Variants in FBXO31 observed in about 807,000 individuals in gnomAD.
FBXO31 encodes the protein F-box only protein 31.
In FBXO31, 24 loss-of-function variants were observed where a neutral mutation model predicts 54.4. That is an observed-to-expected ratio of 0.44 (90% CI 0.32 to 0.62). The LOEUF (loss-of-function observed/expected upper bound fraction) is 0.62, where lower values mean the gene tolerates loss of function less well. Ranked by LOEUF, FBXO31 falls within the 20% of genes least tolerant of loss-of-function variation. The pLI is 0.05. For synonymous variants in FBXO31, 388 were observed against 335.6 expected (o/e 1.16, Z -1.71); for missense variants, 665 against 787.1 (o/e 0.84, Z 1.86).
Position 87,328,236 on chromosome 16 carries a change from C to G in FBXO31, c.*3052G>C, listed in dbSNP as rs1371896199. ...CAACTGCAGGTTCTCAGAGAAAAAT[C>G]TCCAGCTCAGACCCGGTTCTGCACA... On this transcript the variant is annotated 3_prime_UTR_variant, in exon 9 of 9. Coordinates refer to ENST00000311635, the MANE Select transcript of FBXO31 (RefSeq NM_024735.5). The G allele has an allele frequency of 2.0e-5, 3 of 152,332 alleles. No individual in the cohort carries two copies. Among genetic ancestry groups the G allele is most frequent in the African/African-American group, 7.2e-5 (3 of 41,458 alleles). The allele number at this position is 152,332 out of a possible 1,614,324, so 9.4% of individuals were successfully genotyped here. A position where few individuals can be genotyped will look rare whatever the true frequency, so the allele number is the denominator to read the frequency against.
Position 87,331,396 on chromosome 16 carries a change from T to C in FBXO31, c.1512A>G (p.Lys504=). The C allele has an allele frequency of 6.2e-7, 1 of 1,613,864 alleles. No homozygotes were observed. Among genetic ancestry groups the C allele is most frequent in the Non-Finnish European group, 8.5e-7 (1 of 1,180,016 alleles). The change falls in exon 9 of 9, where the codon AAA becomes AAG. Residue 504 remains lysine, a synonymous_variant. Coordinates refer to ENST00000311635, the MANE Select transcript of FBXO31 (RefSeq NM_024735.5). ...GGACCCGGCTGTACAGGCTGAAGGA[T>C]TTCAGCTCCAGCCAGACGAACCCGA... ...DRFGFVWLEL[K]SFSLYSRVQA... is the part of the protein sequence containing the mutation.
Position 87,383,270 on chromosome 16 carries a change from ACAC to A in FBXO31, c.340+132_340+134del, listed in dbSNP as rs1392065222. On this transcript the variant is annotated intron_variant, in intron 1 of 8. Transcript: ENST00000311635. This position sits in a 1 kb window ranked among gnomAD's most constrained non-coding sequence, Gnocchi z 4.9. ...CGGCCGCTCCCCACCCACACCCAAA[ACAC>A]CACATCGCCGGGCCCCGCGCCCAAC... The A allele has an allele frequency of 9.5e-6, 8 of 844,168 alleles. No individual in the cohort carries two copies. Among genetic ancestry groups the A allele is most frequent in the African/African-American group, 2.0e-5 (1 of 51,080 alleles). The allele number at this position is 844,168 out of a possible 1,614,324, so 52.3% of individuals were successfully genotyped here. A position where few individuals can be genotyped will look rare whatever the true frequency, so the allele number is the denominator to read the frequency against.
chr16:87,371,817 G>A (rs558752111), intron 1 of FBXO31, among the ~76,000 whole-genome samples: 2 of 152,340 alleles, frequency 1.3e-5, no homozygotes, highest in African/African-American at 4.8e-5. Flanking sequence ...GCAAGTCTCA[G>A]GGAGTGTCCC....
At chr16:87,384,261 G>A (rs894765223), upstream of FBXO31, 1 of 152,286 alleles carries the variant, frequency 6.6e-6, no homozygotes, top group Non-Finnish European at 1.5e-5. Flanking sequence ...CCCAAAGGGC[G>A]CCTAGAAGCC....
chr16:87,339,085 T>C (rs1200049920), intron 5 of FBXO31, among the ~76,000 whole-genome samples: 1 of 152,192 alleles, frequency 6.6e-6, no homozygotes, highest in East Asian at 1.9e-4. Flanking sequence ...TGTGAGTCCA[T>C]GCAACCTCTT....
intron 2 of FBXO31, among the ~76,000 whole-genome samples, chr16:87,352,663 C>A (rs1269255095): frequency 6.6e-6 from 1 of 152,214 alleles, no homozygotes; most frequent in Non-Finnish European, 1.5e-5. Flanking sequence ...GGACCCCACT[C>A]TGGGAGCACA....
At chr16:87,332,155 G>A (rs190661901) in intron 8 of FBXO31, among the ~76,000 whole-genome samples, 68 of 152,350 alleles carry the variant, frequency 4.5e-4, no homozygotes, top group Admixed American at 4.2e-3. Context: ...GAACAGCCCC[G>A]TGGACCAGGG....
upstream of FBXO31, among the ~76,000 whole-genome samples, chr16:87,391,338 TAC>T (rs1907538889): frequency 1.3e-5 from 2 of 152,186 alleles, no homozygotes; most frequent in South Asian, 4.1e-4. Flanking sequence ...GTGCTGTTCC[TAC>T]AGAGACACAT....
intron 1 of FBXO31, among the ~76,000 whole-genome samples, chr16:87,361,615 C>T (rs1405340126): frequency 2.0e-5 from 3 of 152,236 alleles, no homozygotes; most frequent in Non-Finnish European, 4.4e-5. Context: ...TCAGGCTAGC[C>T]AGGTAGCTCC....
intron 2 of FBXO31, among the ~76,000 whole-genome samples, chr16:87,356,454 C>T (rs1024984542): frequency 2.0e-5 from 3 of 152,068 alleles, no homozygotes; most frequent in Non-Finnish European, 4.4e-5. Context: ...CCGTGTTCCC[C>T]GTCCACAGAC....
chr16:87,335,056 G>A lies in FBXO31; in HGVS notation c.996+248C>T, dbSNP rs920560479. On this transcript the variant is annotated intron_variant, in intron 7 of 8. Transcript: ENST00000311635. The surrounding 1 kb of genome is among the most constrained non-coding windows in gnomAD (Gnocchi z 5.7). Reference sequence around the variant, plus strand: ...GCTGCCAGGGTGGCCGGGGCTGAGCGGTGCTGTGGGAAGGCCACCTTGGAA... The same window carrying A: ...GCTGCCAGGGTGGCCGGGGCTGAGCAGTGCTGTGGGAAGGCCACCTTGGAA... Among the ~76,000 whole-genome samples the A allele has an allele frequency of 2.0e-5, 3 of 152,208 alleles. No individual in the cohort carries two copies. Among genetic ancestry groups the A allele is most frequent in the Admixed American group, 1.3e-4 (2 of 15,288 alleles).
intron 1 of FBXO31, among the ~76,000 whole-genome samples, chr16:87,364,594 C>T (rs1014521537): frequency 3.3e-5 from 5 of 152,000 alleles, no homozygotes; most frequent in African/African-American, 7.3e-5. Flanking sequence ...ACTGCCCACC[C>T]GTCAGACTGA....
chr16:87,384,752 A>G (rs76109242), upstream of FBXO31, among the ~76,000 whole-genome samples: 62 of 152,368 alleles, frequency 4.1e-4, no homozygotes, highest in African/African-American at 1.3e-3. Context: ...AATTTTAGAA[A>G]GAGAAGCTGA....
upstream of FBXO31, among the ~76,000 whole-genome samples, chr16:87,391,218 G>A (rs1378604529): frequency 6.6e-6 from 1 of 152,092 alleles, no homozygotes; most frequent in Non-Finnish European, 1.5e-5. Flanking sequence ...GAGGCAGGAG[G>A]ATCCCTTGAG....
chr16:87,335,533 T>C lies in FBXO31; in HGVS notation c.843-76A>G. On this transcript the variant is annotated intron_variant, in intron 6 of 8. Transcript: ENST00000311635. This position sits in a 1 kb window ranked among gnomAD's most constrained non-coding sequence, Gnocchi z 5.7. ...CTGAGAACGCCCAAGGTGCCAGGGA[T>C]GAGCTTTGCAGGGCGGGGTAGGGCG... 1.6e-6 allele frequency: 2 copies of C among 1,244,212 alleles called. No homozygotes were observed. Among genetic ancestry groups the C allele is most frequent in the Non-Finnish European group, 2.2e-6 (2 of 907,804 alleles). 77.1% of individuals were successfully genotyped at this position (1,244,212 alleles called of 1,614,324 possible). A position where few individuals can be genotyped will look rare whatever the true frequency, so the allele number is the denominator to read the frequency against.
At chr16:87,378,393 C>A (rs568735171) in intron 1 of FBXO31, among the ~76,000 whole-genome samples, 2 of 152,142 alleles carry the variant, frequency 1.3e-5, no homozygotes, top group Non-Finnish European at 2.9e-5. Flanking sequence ...AAATTGGCAT[C>A]GATTTTTAAA....
At chr16:87,344,994 T>A (rs1227341984) in intron 3 of FBXO31, among the ~76,000 whole-genome samples, 2 of 140,092 alleles carry the variant, frequency 1.4e-5, no homozygotes, top group African/African-American at 5.3e-5. Context: ...GAACCCCACC[T>A]GGGGGCAGAG....
At chr16:87,375,718 C>A (rs184023442) in intron 1 of FBXO31, among the ~76,000 whole-genome samples, 3 of 152,276 alleles carry the variant, frequency 2.0e-5, no homozygotes, top group East Asian at 3.9e-4. Context: ...GGGTCCCACA[C>A]CCACCCTGCC....
chr16:87,385,031 C>CCA (rs145724790), upstream of FBXO31, among the ~76,000 whole-genome samples: 697 of 151,166 alleles, frequency 4.6e-3, 2 homozygotes, highest in African/African-American at 0.015. Flanking sequence ...AACAAACAAA[C>CCA]CACACAGGCC....
Sources: allele counts gnomAD v4.1 joint callset (sites outside exome capture counted in the v4.1 genomes callset), GRCh38; gene constraint gnomAD v4.1.1; non-coding constraint Gnocchi (gnomAD v3.1); transcripts MANE v1.5; gene names NCBI Gene and HGNC (gene_info 2026-07-23, HGNC 2026-07-21).